Variants in PTPRD observed in about 807,000 individuals in gnomAD.
PTPRD encodes the protein receptor-type tyrosine-protein phosphatase delta.
Under a neutral mutation model 214.5 loss-of-function variants are expected in PTPRD, and 34 were observed. The ratio of observed to expected loss-of-function variants is 0.16; its 90% CI spans 0.12 to 0.21. The LOEUF (loss-of-function observed/expected upper bound fraction) is 0.21, where lower values mean the gene tolerates loss of function less well. PTPRD is among the 10% of genes least tolerant of loss of function. The pLI, the probability that PTPRD is intolerant of heterozygous loss-of-function variation, is 1.00. For missense variants in PTPRD, 2,545 were observed against 2,398.7 expected (o/e 1.06, Z -1.27); for synonymous variants, 1,128 against 845.7 (o/e 1.33, Z -5.79).
chr9:10,201,808 GAACA>G (rs959982135), intron 3 of PTPRD, among the ~76,000 whole-genome samples: 9 of 151,796 alleles, frequency 5.9e-5, no homozygotes, highest in African/African-American at 1.9e-4. Context: ...AACATTTTAA[GAACA>G]AATACATTGA....
At chr9:10,277,664 T>C (rs1331585113) in intron 3 of PTPRD, among the ~76,000 whole-genome samples, 1 of 152,214 alleles carries the variant, frequency 6.6e-6, no homozygotes, top group Non-Finnish European at 1.5e-5. Flanking sequence ...CTGAGTTCTA[T>C]CCCTACAGTA....
intron 2 of PTPRD, among the ~76,000 whole-genome samples, chr9:10,549,995 C>G (rs771203166): frequency 6.6e-6 from 1 of 152,084 alleles, no homozygotes; most frequent in Non-Finnish European, 1.5e-5. Context: ...TATTTCACCC[C>G]TCTGGCAGGA....
At chr9:9,062,556 TTATC>T (rs33937021) in intron 10 of PTPRD, among the ~76,000 whole-genome samples, 135,249 of 149,578 alleles carry the variant, frequency 0.9, 60,864 homozygotes, top group East Asian at 1. Context: ...TCTCCATATA[TTATC>T]TATCTATCTA....
intron 11 of PTPRD, among the ~76,000 whole-genome samples, chr9:8,792,107 G>A (rs12349492): frequency 0.045 from 6,846 of 152,220 alleles, 487 homozygotes; most frequent in African/African-American, 0.15. Context: ...AAATGACCTC[G>A]TCAAATAACT....
intron 8 of PTPRD, among the ~76,000 whole-genome samples, chr9:9,530,243 G>A (rs2088320436): frequency 6.6e-6 from 1 of 152,000 alleles, no homozygotes; most frequent in African/African-American, 2.4e-5. Flanking sequence ...TAAAATCAAT[G>A]AAACACTTTC....
chr9:8,644,763 A>G (rs929934842), intron 12 of PTPRD, among the ~76,000 whole-genome samples: 1 of 152,166 alleles, frequency 6.6e-6, no homozygotes, highest in African/African-American at 2.4e-5. Context: ...AGCGGCCAAC[A>G]TGTCTGACTG....
intron 9 of PTPRD, among the ~76,000 whole-genome samples, chr9:9,316,155 C>A (rs574909839): frequency 1.3e-5 from 2 of 151,824 alleles, no homozygotes; most frequent in African/African-American, 2.4e-5. Flanking sequence ...CTATAAAGTA[C>A]GTTATTCTAT....
At chr9:10,229,073 T>C (rs1191805495) in intron 3 of PTPRD, among the ~76,000 whole-genome samples, 2 of 152,026 alleles carry the variant, frequency 1.3e-5, no homozygotes, top group East Asian at 3.9e-4. Flanking sequence ...ATATAAGACA[T>C]TTATGCAGCC....
chr9:9,691,331 C>T (rs1301264609), intron 7 of PTPRD, among the ~76,000 whole-genome samples: 1 of 151,956 alleles, frequency 6.6e-6, no homozygotes, highest in African/African-American at 2.4e-5. Context: ...TATTCTGTTT[C>T]CATGAGTTCA....
chr9:8,370,267 T>C (rs957591123), intron 39 of PTPRD, among the ~76,000 whole-genome samples: 1 of 151,064 alleles, frequency 6.6e-6, no homozygotes, highest in Non-Finnish European at 1.5e-5. Flanking sequence ...GAAGAGATAA[T>C]GGCAAATATC....
intron 3 of PTPRD, among the ~76,000 whole-genome samples, chr9:10,338,823 G>C (rs1161198090): frequency 6.6e-6 from 1 of 151,590 alleles, no homozygotes; most frequent in Non-Finnish European, 1.5e-5. Flanking sequence ...AGAAAGTGAG[G>C]AGAGATTCAA....
chr9:10,543,688 C>G (rs2059627765), intron 2 of PTPRD, among the ~76,000 whole-genome samples: 1 of 152,224 alleles, frequency 6.6e-6, no homozygotes, highest in African/African-American at 2.4e-5. Flanking sequence ...ATAGTAAACT[C>G]TAAGCTTTTG....
intron 3 of PTPRD, among the ~76,000 whole-genome samples, chr9:10,094,146 AT>A (rs1288357460): frequency 4.6e-5 from 7 of 151,504 alleles, no homozygotes; most frequent in Non-Finnish European, 8.9e-5. Flanking sequence ...GAATTGTAGG[AT>A]TAGCTGACCG....
chr9:10,074,837 G>C (rs968062717), intron 3 of PTPRD, among the ~76,000 whole-genome samples: 1 of 152,094 alleles, frequency 6.6e-6, no homozygotes, highest in Non-Finnish European at 1.5e-5. Flanking sequence ...CTGAAATGTT[G>C]TAATATAGCC....
intron 7 of PTPRD, among the ~76,000 whole-genome samples, chr9:9,706,071 C>G (rs1040500409): frequency 6.6e-6 from 1 of 152,112 alleles, no homozygotes; most frequent in East Asian, 1.9e-4. Flanking sequence ...CTAAGTAACA[C>G]GCATAACAGT....
chr9:8,402,637 C>G (rs1405381114), intron 36 of PTPRD, among the ~76,000 whole-genome samples: 1 of 152,058 alleles, frequency 6.6e-6, no homozygotes, highest in Non-Finnish European at 1.5e-5. Flanking sequence ...ATTTGTGACT[C>G]AGTTTAGTTT....
At chr9:10,039,466 C>T (rs918318446) in intron 3 of PTPRD, among the ~76,000 whole-genome samples, 4 of 151,944 alleles carry the variant, frequency 2.6e-5, no homozygotes, top group African/African-American at 9.7e-5. Flanking sequence ...TACATATATA[C>T]AATAGAAGTT....
intron 3 of PTPRD, among the ~76,000 whole-genome samples, chr9:10,129,898 A>C (rs2154256391): frequency 6.6e-6 from 1 of 152,108 alleles, no homozygotes; most frequent in Non-Finnish European, 1.5e-5. Flanking sequence ...TTTGAGAATA[A>C]AAATGGTAGT....
chr9:8,929,845 G>GATA (rs2098936699), intron 11 of PTPRD, among the ~76,000 whole-genome samples: 1 of 127,988 alleles, frequency 7.8e-6, no homozygotes, highest in African/African-American at 3.5e-5. Flanking sequence ...ATATATATGT[G>GATA]TGTATATATA....
Sources: gnomAD v4.1 joint callset for allele counts (sites outside exome capture counted in the v4.1 genomes callset) on GRCh38, gnomAD v4.1.1 for gene constraint, MANE v1.5 for transcripts, NCBI Gene and HGNC (gene_info 2026-07-23, HGNC 2026-07-21) for gene names.